Variants in SMURF2 observed in about 807,000 individuals in gnomAD.
The protein encoded by SMURF2 is SMAD specific E3 ubiquitin protein ligase 2, also known as E3 ubiquitin-protein ligase SMURF2.
SMURF2 carries 48 observed loss-of-function variants against 109.6 expected under a neutral mutation model. That is an observed-to-expected ratio of 0.44 (90% CI 0.35 to 0.56). SMURF2 has a LOEUF of 0.56. Among genes scored for constraint, SMURF2 ranks in the 20% least tolerant of loss-of-function variants. The pLI is 0.01. For synonymous variants in SMURF2, 288 were observed against 317.1 expected (o/e 0.91, Z 0.97); for missense variants, 575 against 909.0 (o/e 0.63, Z 4.72).
chr17:64,609,764 T>C (rs996302897), intron 1 of SMURF2, among the ~76,000 whole-genome samples: 15 of 152,074 alleles, frequency 9.9e-5, no homozygotes, highest in South Asian at 2.1e-4. Flanking sequence ...AAAGCCAAAA[T>C]AGACAAATGG....
intron 2 of SMURF2, among the ~76,000 whole-genome samples, chr17:64,604,800 C>A (rs782572125): frequency 3.3e-5 from 5 of 151,964 alleles, no homozygotes; most frequent in African/African-American, 7.3e-5. Context: ...AAAAATTAGG[C>A]AGGCGTGTTG....
In SMURF2 at chr17:64,551,717, G is replaced by A. The variant is rs781808001; in HGVS notation, c.1749-13C>T. On this transcript the variant is annotated splice_polypyrimidine_tract_variant and intron_variant, in intron 15 of 18. Transcript: ENST00000262435. Reference sequence around the variant, plus strand: ...GTTCACATAGAGCCTGTAAACATTCGGCAGGATTTCGTATAATCACATGTA... The same window carrying A: ...GTTCACATAGAGCCTGTAAACATTCAGCAGGATTTCGTATAATCACATGTA... The A allele has an allele frequency of 1.7e-5, 27 of 1,612,598 alleles. No individual in the cohort carries two copies. Among genetic ancestry groups the A allele is most frequent in the African/African-American group, 1.2e-4 (9 of 74,830 alleles).
chr17:64,611,595 T>C (rs1449650090), intron 1 of SMURF2, among the ~76,000 whole-genome samples: 1 of 152,162 alleles, frequency 6.6e-6, no homozygotes, highest in Non-Finnish European at 1.5e-5. Context: ...TCAGCAATTC[T>C]ACCTCGGAAA....
chr17:64,617,573 A>G (rs1190727079), intron 1 of SMURF2, among the ~76,000 whole-genome samples: 3 of 152,188 alleles, frequency 2.0e-5, no homozygotes, highest in South Asian at 2.1e-4. Flanking sequence ...CTCCAGTTAA[A>G]TTTTCTGGGC....
intron 14 of SMURF2, 43 bp from the exon 15 acceptor site, chr17:64,555,036 A>G: frequency 6.4e-7 from 1 of 1,569,202 alleles, no homozygotes; most frequent in Admixed American, 1.7e-5. Flanking sequence ...GGAAACCTAA[A>G]ATACAGACCC....
At chr17:64,570,842 G>A (rs544300297) in intron 10 of SMURF2, among the ~76,000 whole-genome samples, 11 of 152,116 alleles carry the variant, frequency 7.2e-5, no homozygotes, top group Non-Finnish European at 1.2e-4. Context: ...AATGAGTGGC[G>A]CGATCACAGC....
In SMURF2 at chr17:64,578,805, G is replaced by A. The variant is rs1019280846; in HGVS notation, c.773-229C>T. Among the ~76,000 whole-genome samples, 3 of 152,144 alleles carry A rather than the reference G, an allele frequency of 2.0e-5. No homozygotes were observed. In the South Asian group the frequency reaches 6.2e-4, roughly 31 times the overall value. On this transcript the variant is annotated intron_variant, in intron 8 of 18. Coordinates refer to ENST00000262435, the MANE Select transcript of SMURF2 (RefSeq NM_022739.4). ...TCCATAAACAAACTAAACTTATAAC[G>A]TGGCTTAAATACTAAATATGTTGCA...
intron 12 of SMURF2, among the ~76,000 whole-genome samples, chr17:64,558,929 CA>C (rs1165622627): frequency 6.6e-6 from 1 of 151,982 alleles, no homozygotes; most frequent in African/African-American, 2.4e-5. Flanking sequence ...TATTTTTGAG[CA>C]AATGCAGAAT....
At chr17:64,650,918 A>G (rs1970628558) in intron 1 of SMURF2, among the ~76,000 whole-genome samples, 1 of 150,862 alleles carries the variant, frequency 6.6e-6, no homozygotes, top group Non-Finnish European at 1.5e-5. Flanking sequence ...GTTAAAAAAA[A>G]AAAAATCTGC....
rs1555683036 is a variant in SMURF2, at chr17:64,545,736, G to GAA, written c.*111_*112insTT. 1.4e-3 allele frequency: 355 copies of GAA among 254,492 alleles called. 3 individuals are homozygous for GAA. In the African/African-American group the frequency reaches 0.019, roughly 13 times the overall value. 15.8% of individuals were successfully genotyped at this position (254,492 alleles called of 1,614,324 possible). On this transcript the variant is annotated 3_prime_UTR_variant, in exon 19 of 19. Coordinates refer to ENST00000262435, the MANE Select transcript of SMURF2 (RefSeq NM_022739.4). ...AAATGTAAAAAAAAAAAAAAAAAGGGGGGGGGGGGGAGTGTTTTCCTGTAT... is the reference window on the plus strand; with the variant it reads ...AAATGTAAAAAAAAAAAAAAAAAGGGAAGGGGGGGGGGAGTGTTTTCCTGTAT...
intron 1 of SMURF2, among the ~76,000 whole-genome samples, chr17:64,639,855 G>A (rs1452818876): frequency 6.6e-6 from 1 of 152,154 alleles, no homozygotes; most frequent in Non-Finnish European, 1.5e-5. Flanking sequence ...CACAATCCCT[G>A]CCCTGTGGGT....
At chr17:64,578,385 C>A in intron 9 of SMURF2, 107 bp downstream of exon 9, 1 of 742,082 alleles carries the variant, frequency 1.3e-6, no homozygotes, top group Non-Finnish European at 2.2e-6. Flanking sequence ...AAGAGTCAAA[C>A]TTTTACATAA....
At chr17:64,661,464 G>C (rs926797074) in intron 1 of SMURF2, among the ~76,000 whole-genome samples, 2 of 152,014 alleles carry the variant, frequency 1.3e-5, no homozygotes, top group African/African-American at 4.8e-5. Flanking sequence ...CTCGCCACGG[G>C]AGCTCTTCAT....
At position 64,586,188 on chromosome 17, in the gene SMURF2, T is replaced by C; in HGVS notation, c.401-18A>G. The C allele has an allele frequency of 6.6e-7, 1 of 1,520,958 alleles. No homozygotes were observed. Among genetic ancestry groups the C allele is most frequent in the Non-Finnish European group, 9.0e-7 (1 of 1,106,146 alleles). The allele number at this position is 1,520,958 out of a possible 1,614,324, so 94.2% of individuals were successfully genotyped here. On this transcript the variant is annotated intron_variant, in intron 5 of 18. Coordinates refer to ENST00000262435, the MANE Select transcript of SMURF2 (RefSeq NM_022739.4). ...AAGACTTACTATTAAATGACAGAAA[T>C]ATTACTAAGATTCATACAACTAGAA...
intron 2 of SMURF2, among the ~76,000 whole-genome samples, chr17:64,599,385 CAAGT>C (rs1555688373): frequency 6.6e-6 from 1 of 152,012 alleles, no homozygotes. Context: ...ACAGTGAGTA[CAAGT>C]AAGAGCTCAG....
chr17:64,545,888 A>G lies in SMURF2; in HGVS notation c.2207T>C (p.Leu736Pro). ...TCCACATGTTTCTTCAATGGCTGTT[A>G]GCAGCTTTTCATATAGCTTTTCATA... ...ESYEKLYEKL[L>P]TAIEETCGFA... The change falls in exon 19 of 19, where the codon CTA (leucine) becomes CCA (proline). Residue 736 changes from leucine (L) to proline (P), a missense_variant. Coordinates refer to ENST00000262435, the MANE Select transcript of SMURF2 (RefSeq NM_022739.4). The G allele has an allele frequency of 6.2e-7, 1 of 1,612,684 alleles. No homozygotes were observed. Among genetic ancestry groups the G allele is most frequent in the Non-Finnish European group, 8.5e-7 (1 of 1,178,736 alleles).
At chr17:64,597,699 G>A (rs1428148406) in intron 3 of SMURF2, among the ~76,000 whole-genome samples, 1 of 151,582 alleles carries the variant, frequency 6.6e-6, no homozygotes, top group Non-Finnish European at 1.5e-5. Flanking sequence ...CTTGAACTCA[G>A]GAGACAGAGA....
intron 1 of SMURF2, among the ~76,000 whole-genome samples, chr17:64,658,299 G>A (rs928728017): frequency 2.6e-5 from 4 of 152,176 alleles, no homozygotes; most frequent in Non-Finnish European, 5.9e-5. Context: ...GGAGGTTGCA[G>A]TGGGCCGAGA....
intron 9 of SMURF2, chr17:64,573,125 A>G (rs1268264509): frequency 2.4e-5 from 1 of 42,270 alleles, no homozygotes; most frequent in Non-Finnish European, 3.8e-5. Flanking sequence ...ATTAAAAAAA[A>G]GAGGAGGAGG....
Sources: gnomAD v4.1 joint callset for allele counts (sites outside exome capture counted in the v4.1 genomes callset) on GRCh38, gnomAD v4.1.1 for gene constraint, MANE v1.5 for transcripts, NCBI Gene and HGNC (gene_info 2026-07-23, HGNC 2026-07-21) for gene names.